XPNPEP2: variants seen among roughly 807,000 people sequenced by gnomAD.
XPNPEP2 encodes the protein X-prolyl aminopeptidase 2, also known as xaa-Pro aminopeptidase 2.
In XPNPEP2, 64 loss-of-function variants were observed where a neutral mutation model predicts 59.8. The observed-to-expected ratio is 1.07, with a 90% CI of 0.87 to 1.32. XPNPEP2 has a LOEUF of 1.32. Ranked by LOEUF, XPNPEP2 falls within the 40% of genes most tolerant of loss-of-function variation. XPNPEP2 has a pLI of 0.00. For synonymous variants in XPNPEP2, 235 were observed against 210.0 expected (o/e 1.12, Z -1.03); for missense variants, 575 against 546.8 (o/e 1.05, Z -0.51).
intron 1 of XPNPEP2, among the ~76,000 whole-genome samples, chrX:129,740,060 G>C (rs1926144278): frequency 8.9e-6 from 1 of 112,742 alleles, no homozygotes; most frequent in African/African-American, 3.2e-5. Flanking sequence ...TTCAGCTGCA[G>C]AGCCTGCTCT....
At chrX:129,765,129 C>T in intron 19 of XPNPEP2, among the ~76,000 whole-genome samples, 2 of 112,099 alleles carry the variant, frequency 1.8e-5, no homozygotes, top group South Asian at 7.4e-4. Context: ...TACTTTTCTG[C>T]ACCTTCCTTC....
At chrX:129,761,106 G>T (rs746268503) in intron 16 of XPNPEP2, 66 bp from the exon 17 acceptor site, 12 of 1,097,981 alleles carry the variant, frequency 1.1e-5, no homozygotes, top group Non-Finnish European at 1.5e-5. Flanking sequence ...AGTGAAGCAA[G>T]AAGGGGCAAG....
At chrX:129,759,833 A>C (rs859582) in intron 15 of XPNPEP2, among the ~76,000 whole-genome samples, 9,551 of 112,256 alleles carry the variant, frequency 0.085, 622 homozygotes, top group African/African-American at 0.22. Context: ...TGTCCTGCCC[A>C]AAGTGACAAG....
At chrX:129,763,470 G>A (rs940808439) in intron 19 of XPNPEP2, among the ~76,000 whole-genome samples, 2 of 111,379 alleles carry the variant, frequency 1.8e-5, no homozygotes, top group African/African-American at 3.3e-5. Flanking sequence ...GAGTTTGAGA[G>A]CAGCCTGGGC....
In XPNPEP2 at chrX:129,760,430, C is replaced by G. The variant is rs767446901; in HGVS notation, c.1429-82C>G. 1.6e-5 allele frequency: 16 copies of G among 1,030,472 alleles called. No individual in the cohort carries two copies. The South Asian group carries it at 3.1e-4, about 20-fold the overall frequency. 84.9% of individuals were successfully genotyped at this position (1,030,472 alleles called of 1,213,427 possible). A position where few individuals can be genotyped will look rare whatever the true frequency, so the allele number is the denominator to read the frequency against. On this transcript the variant is annotated intron_variant, in intron 15 of 20. Transcript: ENST00000371106. ...ACACACCCAGGCCTGGGCCCTGCAC[C>G]GTGTATCCATAGGCCAAGCAGCTGG... is the stretch of plus-strand genomic sequence containing the variant.
At chrX:129,742,425 C>A (rs1400256460) in intron 2 of XPNPEP2, among the ~76,000 whole-genome samples, 1 of 107,360 alleles carries the variant, frequency 9.3e-6, no homozygotes, top group Non-Finnish European at 1.9e-5. Flanking sequence ...ATTCATTCCC[C>A]CAGCAGGTTA....
intron 7 of XPNPEP2, among the ~76,000 whole-genome samples, chrX:129,749,972 T>A (rs1488935560): frequency 8.9e-6 from 1 of 112,707 alleles, no homozygotes; most frequent in Non-Finnish European, 1.9e-5. Flanking sequence ...CGTGGCTTAG[T>A]AAATACTGGG....
intron 20 of XPNPEP2, 127 bp from the exon 21 acceptor site, chrX:129,768,164 G>A: frequency 6.6e-6 from 4 of 608,853 alleles, no homozygotes; most frequent in Non-Finnish European, 9.8e-6. Context: ...TGATGATGGT[G>A]GGGGACCTGT....
Position 129,752,291 on chromosome X carries a change from G to A in XPNPEP2, c.963G>A (p.Arg321=). ...SIQAYSLGDV[R]IWIGTSYTMY... ...AGGCCTACTCATTGGGAGATGTGAGGATCTGGATTGGGACCAGCTATACCA... is the reference window on the plus strand; with the variant it reads ...AGGCCTACTCATTGGGAGATGTGAGAATCTGGATTGGGACCAGCTATACCA... The change falls in exon 10 of 21, where the codon AGG becomes AGA. Residue 321 remains arginine (R), a synonymous_variant. Transcript: ENST00000371106. 1 of 1,212,094 alleles carries A rather than the reference G, an allele frequency of 8.3e-7. No homozygotes were observed. Among genetic ancestry groups the A allele is most frequent in the Non-Finnish European group, 1.1e-6 (1 of 895,596 alleles).
At chrX:129,745,685 A>G (rs1926281134) in intron 4 of XPNPEP2, among the ~76,000 whole-genome samples, 1 of 111,837 alleles carries the variant, frequency 8.9e-6, no homozygotes, top group Non-Finnish European at 1.9e-5. Flanking sequence ...TGGCCAAATG[A>G]GACACAAACA....
intron 18 of XPNPEP2, 136 bp from the exon 19 acceptor site, chrX:129,762,558 G>A: frequency 1.9e-6 from 1 of 538,728 alleles, no homozygotes; most frequent in Non-Finnish European, 3.2e-6. Context: ...CATCTAACCA[G>A]TTGTGGGGCT....
intron 3 of XPNPEP2, 68 bp downstream of exon 3, chrX:129,744,139 G>C: frequency 1.0e-6 from 1 of 975,632 alleles, no homozygotes; most frequent in Non-Finnish European, 1.5e-6. Context: ...AACAGGAGCT[G>C]TTAAAACTCA....
Position 129,768,426 on chromosome X carries a change from G to A in XPNPEP2, c.1966G>A (p.Ala656Thr), listed in dbSNP as rs777839309. 1.1e-5 allele frequency: 13 copies of A among 1,204,239 alleles called. No homozygotes were observed. The highest frequency in any genetic ancestry group is 4.5e-5 in the Admixed American group (2 of 44,916). ...EPLAARAPDT[A>T]SWASVLVVST... ...CCTGGCCGCCAGGGCCCCAGACACC[G>A]CCTCCTGGGCCTCTGTGTTAGTGGT... is the stretch of plus-strand genomic sequence containing the variant. The change falls in exon 21 of 21, where the codon GCC becomes ACC. Residue 656 changes from alanine (A) to threonine (T), a missense_variant. Coordinates refer to ENST00000371106, the MANE Select transcript of XPNPEP2 (RefSeq NM_003399.6).
chrX:129,749,509 C>T (rs1237589178), intron 7 of XPNPEP2, among the ~76,000 whole-genome samples: 2 of 113,062 alleles, frequency 1.8e-5, no homozygotes, highest in African/African-American at 3.2e-5. Flanking sequence ...ATAGTTTTAC[C>T]TGTTCACATG....
chrX:129,751,591 AAAGAAAGG>A (rs1479153357), intron 8 of XPNPEP2, among the ~76,000 whole-genome samples, 146 bp from the exon 9 acceptor site: 820 of 54,434 alleles, frequency 0.015, 4 homozygotes, highest in Admixed American at 0.016. Flanking sequence ...AGAAAGAAAG[AAAGAAAGG>A]AAGGAAGGAA....
intron 15 of XPNPEP2, 47 bp downstream of exon 15, chrX:129,759,287 C>T (rs1926612744): frequency 8.4e-7 from 1 of 1,186,068 alleles, no homozygotes; most frequent in Admixed American, 2.2e-5. Flanking sequence ...CCCAAGGGGG[C>T]ACCCAAGCAG....
chrX:129,743,849 C>G (rs1331914878), intron 2 of XPNPEP2, 112 bp from the exon 3 acceptor site: 2 of 675,834 alleles, frequency 3.0e-6, no homozygotes, highest in Admixed American at 2.6e-5. Context: ...CCAACCGCTG[C>G]TTCAGGAGAG....
chrX:129,751,704 G>A, intron 8 of XPNPEP2, 41 bp from the exon 9 acceptor site: 1 of 1,123,498 alleles, frequency 8.9e-7, no homozygotes, highest in South Asian at 1.9e-5. Flanking sequence ...CTTGCCTCAG[G>A]CAGATCAGCA....
intron 4 of XPNPEP2, among the ~76,000 whole-genome samples, chrX:129,745,740 C>G (rs2076204): frequency 0.21 from 22,781 of 111,023 alleles, 1,731 homozygotes; most frequent in East Asian, 0.3. Flanking sequence ...GGCCTCGCAC[C>G]GTGATCCTGG....
Sources: allele counts gnomAD v4.1 joint callset (sites outside exome capture counted in the v4.1 genomes callset), GRCh38; gene constraint gnomAD v4.1.1; transcripts MANE v1.5; gene names NCBI Gene and HGNC (gene_info 2026-07-23, HGNC 2026-07-21).